BTN2A2: variants seen among roughly 807,000 people sequenced by gnomAD.
The protein encoded by BTN2A2 is butyrophilin 2.
In BTN2A2, 29 loss-of-function variants were observed where a neutral mutation model predicts 34.7. The observed-to-expected ratio is 0.84, with a 90% CI of 0.62 to 1.14. The LOEUF (loss-of-function observed/expected upper bound fraction) is 1.14. Ranked by LOEUF, BTN2A2 falls within the 50% of genes most tolerant of loss-of-function variation. The pLI, the probability that BTN2A2 is intolerant of heterozygous loss-of-function variation, is 0.00. For missense variants in BTN2A2, 612 were observed against 651.5 expected, an observed-to-expected ratio of 0.94 and a Z score of 0.66; for synonymous variants, 240 against 253.1, an observed-to-expected ratio of 0.95 and a Z score of 0.49.
At chr6:26,386,533 C>T (rs1205592435) in intron 3 of BTN2A2, among the ~76,000 whole-genome samples, 1 of 152,144 alleles carries the variant, frequency 6.6e-6, no homozygotes, top group Non-Finnish European at 1.5e-5. Flanking sequence ...AACAGAATAT[C>T]GTGGATGGAG....
At chr6:26,388,376 C>T (rs1192978178) in intron 4 of BTN2A2, 82 bp downstream of exon 4, 37 of 1,522,944 alleles carry the variant, frequency 2.4e-5, no homozygotes, top group Admixed American at 5.2e-5. Context: ...GGAATGGGGG[C>T]AGCAGTGTGG....
At position 26,389,997 on chromosome 6, in the gene BTN2A2, C is replaced by T; in HGVS notation, c.725-8C>T. 2.5e-6 allele frequency: 4 copies of T among 1,610,242 alleles called. No individual in the cohort carries two copies. Among genetic ancestry groups the T allele is most frequent in the Non-Finnish European group, 3.4e-6 (4 of 1,178,190 alleles). On this transcript the variant is annotated splice_polypyrimidine_tract_variant and splice_region_variant and intron_variant, in intron 4 of 7. Coordinates refer to ENST00000356709, the MANE Select transcript of BTN2A2 (RefSeq NM_006995.5). ...AAACTAAATGGACTTTTCTGGCTGC[C>T]TTTTCAGAATCCTTTATGCCCAGCG...
intron 5 of BTN2A2, 113 bp downstream of exon 5, chr6:26,390,324 C>T (rs565065294): frequency 2.1e-5 from 24 of 1,116,868 alleles, no homozygotes; most frequent in South Asian, 3.1e-5. Context: ...TCACAGGTAC[C>T]GGCTTAGGGA....
Position 26,383,837 on chromosome 6 carries a change from G to A in BTN2A2, c.16G>A (p.Ala6Thr). The A allele has an allele frequency of 6.2e-7, 1 of 1,614,118 alleles. No individual in the cohort carries two copies. Reference protein sequence around the residue: MEPAAALHFSLPASLL... With the variant: MEPAATLHFSLPASLL... ...CTGGGTGCTCATGGAACCAGCTGCT[G>A]CTCTGCACTTCTCCCTGCCAGCCTC... The change falls in exon 2 of 8, where the codon GCT becomes ACT. Residue 6 changes from alanine to threonine, a missense_variant. Physicochemically the swap from Ala to Thr is moderately conservative, Grantham distance 58 (BLOSUM62 0). Transcript: ENST00000356709. This position sits in a 1 kb window ranked among gnomAD's most constrained non-coding sequence, Gnocchi z 4.4.
intron 7 of BTN2A2, 158 bp downstream of exon 7, chr6:26,390,987 G>T (rs371030792): frequency 2.0e-5 from 22 of 1,109,760 alleles, no homozygotes; most frequent in South Asian, 1.6e-4. Flanking sequence ...ATGCATCATG[G>T]CTCTTCTGTC....
intron 7 of BTN2A2, chr6:26,391,902 GTCCTTC>G: frequency 3.3e-6 from 1 of 304,544 alleles, no homozygotes; most frequent in Non-Finnish European, 6.1e-6. Flanking sequence ...CAACGAAGAG[GTCCTTC>G]ACCACCTAGG....
At position 26,393,882 on chromosome 6, in the gene BTN2A2, C is replaced by A; in HGVS notation, c.*915C>A. The A allele has an allele frequency of 2.1e-6, 1 of 478,356 alleles. No individual in the cohort carries two copies. Among genetic ancestry groups the A allele is most frequent in the South Asian group, 9.1e-5 (1 of 11,016 alleles). 29.6% of individuals were successfully genotyped at this position (478,356 alleles called of 1,614,324 possible). A position where few individuals can be genotyped will look rare whatever the true frequency, so the allele number is the denominator to read the frequency against. On this transcript the variant is annotated 3_prime_UTR_variant, in exon 8 of 8. Transcript: ENST00000356709. ...TTGAAACAAAAATTTAAAATGTTATCTTTTAATTTATGTTAAAATAGCATT... is the reference window on the plus strand; with the variant it reads ...TTGAAACAAAAATTTAAAATGTTATATTTTAATTTATGTTAAAATAGCATT...
chr6:26,388,957 CA>C (rs1166079312), intron 4 of BTN2A2, among the ~76,000 whole-genome samples: 2 of 151,926 alleles, frequency 1.3e-5, no homozygotes, highest in East Asian at 3.9e-4. Flanking sequence ...CCATCTCTAC[CA>C]AAACTACAAA....
At chr6:26,388,363 G>A in intron 4 of BTN2A2, 69 bp downstream of exon 4, 1 of 1,565,244 alleles carries the variant, frequency 6.4e-7, no homozygotes. Flanking sequence ...GGAGCCCAGA[G>A]CGGGAATGGG....
rs1415387267 is a variant in BTN2A2, at chr6:26,392,849, G to T, written c.1454G>T (p.Arg485Met). The change falls in exon 8 of 8, where the codon AGG becomes ATG. Residue 485 changes from arginine (R) to methionine (M), a missense_variant. By Grantham distance (91) the Arg-to-Met change is moderately conservative. Coordinates refer to ENST00000356709, the MANE Select transcript of BTN2A2 (RefSeq NM_006995.5). ...ACTGTGCCTGTGAGGCCCTTCTTCA[G>T]GTTAGGGTCTGATGACAGCCCCATC... ...AFTVPVRPFF[R>M]LGSDDSPIFI... The T allele has an allele frequency of 3.7e-6, 6 of 1,614,076 alleles. No individual in the cohort carries two copies.
chr6:26,389,376 C>G (rs1005531573), intron 4 of BTN2A2, among the ~76,000 whole-genome samples: 1 of 152,094 alleles, frequency 6.6e-6, no homozygotes, highest in Non-Finnish European at 1.5e-5. Flanking sequence ...AAGGACTGAG[C>G]AGCCAAGGTA....
In BTN2A2 at chr6:26,392,565, CG is replaced by C; in HGVS notation, c.1171del (p.Val391Ter). The C allele has an allele frequency of 6.2e-7, 1 of 1,614,104 alleles. No individual in the cohort carries two copies. Among genetic ancestry groups the C allele is most frequent in the Non-Finnish European group, 8.5e-7 (1 of 1,180,002 alleles). On this transcript the variant is annotated frameshift_variant, in exon 8 of 8. Transcript: ENST00000356709. LOFTEE classifies it low-confidence loss of function (END_TRUNC). Reference sequence around the variant, plus strand: ...ATTACTGGGAGGTGGAGGTGGAAAACGTGATGGTGTGGACTGTGGGGGTCTG... The same window carrying C: ...ATTACTGGGAGGTGGAGGTGGAAAACTGATGGTGTGGACTGTGGGGGTCTG... ...KHYWEVEVENVMVWTVGVCRH... is the reference protein window; with the variant it reads ...KHYWEVEVENXMVWTVGVCRH...
At chr6:26,385,405 C>A in intron 3 of BTN2A2, 43 bp downstream of exon 3, 1 of 1,557,930 alleles carries the variant, frequency 6.4e-7, no homozygotes, top group Non-Finnish European at 8.7e-7. Flanking sequence ...CACAGTGTGA[C>A]TTTTGGGGAA....
At chr6:26,392,086 C>A in intron 7 of BTN2A2, 1 of 783,872 alleles carries the variant, frequency 1.3e-6, no homozygotes, top group Non-Finnish European at 2.0e-6. Flanking sequence ...TCTTAGAATG[C>A]TGAGAAAAAC....
Position 26,392,544 on chromosome 6 carries a change from C to G in BTN2A2, c.1149C>G (p.Tyr383Ter). 2.5e-6 allele frequency: 4 copies of G among 1,614,184 alleles called. No individual in the cohort carries two copies. The highest frequency in any genetic ancestry group is 3.4e-6 in the Non-Finnish European group (4 of 1,180,038). The change falls in exon 8 of 8, where the codon TAC becomes TAG. Residue 383 changes from tyrosine (Y) to a stop codon, truncating the protein, a stop_gained. Transcript: ENST00000356709. LOFTEE classifies it low-confidence loss of function (END_TRUNC). ...GWESFASGKH[Y>*]WEVEVENVMV... ...AGAGCTTCGCCTCAGGGAAACATTA[C>G]TGGGAGGTGGAGGTGGAAAACGTGA... is the stretch of plus-strand genomic sequence containing the variant.
chr6:26,392,582 T>C lies in BTN2A2; in HGVS notation c.1187T>C (p.Val396Ala), dbSNP rs760200685. Residue 396 changes from valine to alanine, a missense_variant, in exon 8 of 8, where the codon GTG becomes GCG. Physicochemically the swap from Val to Ala is moderately conservative, Grantham distance 64. Coordinates refer to ENST00000356709, the MANE Select transcript of BTN2A2 (RefSeq NM_006995.5). ...VEVENVMVWT[V>A]GVCRHSVERK... ...GTGGAAAACGTGATGGTGTGGACTG[T>C]GGGGGTCTGCAGACACAGTGTTGAG... The C allele has an allele frequency of 1.9e-6, 3 of 1,613,910 alleles. No homozygotes were observed. Among genetic ancestry groups the C allele is most frequent in the Non-Finnish European group, 2.5e-6 (3 of 1,179,984 alleles).
At chr6:26,386,035 A>G (rs191061844) in intron 3 of BTN2A2, among the ~76,000 whole-genome samples, 4 of 152,358 alleles carry the variant, frequency 2.6e-5, no homozygotes, top group East Asian at 1.9e-4. Flanking sequence ...CTGCCCAGAG[A>G]ACTATGACAT....
chr6:26,385,018 AG>A lies in BTN2A2; in HGVS notation c.99del (p.Gln33HisfsTer71), dbSNP rs1039826194. ...LLSLCALVSA[Q>X]FTVVGPANPI... ...TGATTCTGCCCTTGTTGAACAGCCC[AG>A]TTTACTGTCGTGGGGCCAGCTAATC... On this transcript the variant is annotated frameshift_variant, in exon 3 of 8. Transcript: ENST00000356709. LOFTEE classifies it high-confidence loss of function. The A allele has an allele frequency of 6.2e-7, 1 of 1,613,446 alleles. No individual in the cohort carries two copies. The highest frequency in any genetic ancestry group is 1.3e-5 in the African/African-American group (1 of 74,966).
rs931868514 is a variant in BTN2A2, at chr6:26,383,739, C to G, written c.-30-53C>G. 3 of 1,439,338 alleles carry G rather than the reference C, an allele frequency of 2.1e-6. No individual in the cohort carries two copies. Among genetic ancestry groups the G allele is most frequent in the Middle Eastern group, 3.5e-4 (2 of 5,682 alleles). 89.2% of individuals were successfully genotyped at this position (1,439,338 alleles called of 1,614,324 possible). A position where few individuals can be genotyped will look rare whatever the true frequency, so the allele number is the denominator to read the frequency against. ...AGTGACAGGAGAGGTTGGGCCCGACCAGCACTGAGGTGCCAAGACTCCTAG... is the reference window on the plus strand; with the variant it reads ...AGTGACAGGAGAGGTTGGGCCCGACGAGCACTGAGGTGCCAAGACTCCTAG... On this transcript the variant is annotated intron_variant, in intron 1 of 7. Coordinates refer to ENST00000356709, the MANE Select transcript of BTN2A2 (RefSeq NM_006995.5). This position sits in a 1 kb window ranked among gnomAD's most constrained non-coding sequence, Gnocchi z 4.4.
Sources: gnomAD v4.1 joint callset for allele counts (sites outside exome capture counted in the v4.1 genomes callset) on GRCh38, gnomAD v4.1.1 for gene constraint, Gnocchi (gnomAD v3.1) non-coding constraint, MANE v1.5 for transcripts, NCBI Gene and HGNC (gene_info 2026-07-23, HGNC 2026-07-21) for gene names.